LHFPL2: variants seen among roughly 807,000 people sequenced by gnomAD.
LHFPL2 encodes the protein LHFPL tetraspan subfamily member 2 protein.
In LHFPL2, 7 loss-of-function variants were observed where a neutral mutation model predicts 17.5. The ratio of observed to expected loss-of-function variants is 0.40; its 90% CI spans 0.23 to 0.75. The LOEUF is 0.75. Ranked by LOEUF, LHFPL2 falls within the 30% of genes least tolerant of loss-of-function variation. The pLI, the probability that LHFPL2 is intolerant of heterozygous loss-of-function variation, is 0.37. For synonymous variants in LHFPL2, 134 were observed against 116.2 expected (o/e 1.15, Z -0.99); for missense variants, 241 against 294.8 (o/e 0.82, Z 1.34).
chr5:78,606,824 A>G (rs1035302948), intron 2 of LHFPL2, among the ~76,000 whole-genome samples: 3 of 152,050 alleles, frequency 2.0e-5, no homozygotes, highest in Non-Finnish European at 4.4e-5. Flanking sequence ...ACATGTGCCA[A>G]CCACCACGCT....
At chr5:78,645,161 C>A (rs1745820775) in intron 1 of LHFPL2, among the ~76,000 whole-genome samples, 1 of 152,164 alleles carries the variant, frequency 6.6e-6, no homozygotes, top group Non-Finnish European at 1.5e-5. Context: ...CAAGGACACC[C>A]AACATGCTGC....
intron 2 of LHFPL2, among the ~76,000 whole-genome samples, chr5:78,585,905 A>G (rs1401394398): frequency 6.6e-6 from 1 of 152,204 alleles, no homozygotes; most frequent in East Asian, 1.9e-4. Context: ...GCCACTAACA[A>G]GCAACACAAG....
At chr5:78,556,314 C>T (rs542008790) in intron 3 of LHFPL2, among the ~76,000 whole-genome samples, 1 of 152,182 alleles carries the variant, frequency 6.6e-6, no homozygotes, top group Admixed American at 6.5e-5. Context: ...GAGAGTTTCA[C>T]CTAAAGGACA....
intron 2 of LHFPL2, among the ~76,000 whole-genome samples, chr5:78,574,097 T>C (rs1757068887): frequency 6.6e-6 from 1 of 152,066 alleles, no homozygotes; most frequent in Non-Finnish European, 1.5e-5. Context: ...AGGAGGAGAG[T>C]ACGCTCACGA....
chr5:78,509,851 G>A lies in LHFPL2; in HGVS notation c.363C>T (p.Thr121=). 2 of 1,614,054 alleles carry A rather than the reference G, an allele frequency of 1.2e-6. No homozygotes were observed. The highest frequency in any genetic ancestry group is 2.2e-5 in the South Asian group (2 of 91,086). The part of the protein sequence containing the change: ...LCMVALVSVF[T]MCVQSIMKKS... ...TCTTCATGATGCTCTGTACACACAT[G>A]GTGAAGACGGACACCAAGGCCACCA... Residue 121 remains threonine (T), a synonymous_variant, in exon 4 of 5, where the codon ACC becomes ACT. Transcript: ENST00000380345.
chr5:78,542,075 C>T (rs10063041), intron 3 of LHFPL2, among the ~76,000 whole-genome samples: 63,504 of 151,630 alleles, frequency 0.42, 13,485 homozygotes, highest in Middle Eastern at 0.49. Flanking sequence ...AATAGCTCTG[C>T]GACCCTTTGG....
intron 3 of LHFPL2, among the ~76,000 whole-genome samples, chr5:78,514,357 TAAA>T (rs56725399): frequency 4.8e-5 from 7 of 147,116 alleles, no homozygotes; most frequent in East Asian, 2.0e-4. Context: ...CCTCTTCACT[TAAA>T]AAAAAAAAAA....
intron 4 of LHFPL2, among the ~76,000 whole-genome samples, chr5:78,500,720 ATGATCACTTT>A (rs1754748249): frequency 6.6e-6 from 1 of 152,166 alleles, no homozygotes; most frequent in Non-Finnish European, 1.5e-5. Flanking sequence ...TTGCCCAATA[ATGATCACTTT>A]TGGTTAATCT....
intron 3 of LHFPL2, among the ~76,000 whole-genome samples, chr5:78,518,732 C>A (rs1239523454): frequency 6.7e-6 from 1 of 149,404 alleles, no homozygotes; most frequent in Non-Finnish European, 1.5e-5. Flanking sequence ...ACTGCACGCT[C>A]AAAGTTCAAG....
chr5:78,488,610 T>C lies in LHFPL2; in HGVS notation c.*287A>G, dbSNP rs2241568. The C allele has an allele frequency of 0.068, 27,526 of 406,288 alleles. 1,836 individuals carry two copies. The highest frequency in any genetic ancestry group is 0.28 in the East Asian group (5,800 of 20,660). 25.2% of individuals were successfully genotyped at this position (406,288 alleles called of 1,614,324 possible). On this transcript the variant is annotated 3_prime_UTR_variant, in exon 5 of 5. Transcript: ENST00000380345. Reference sequence around the variant, plus strand: ...CTGCTGCCCTAATGATTTAGATTATTATCCTTCATTGAACCTGGGGGAGAT... The same window carrying C: ...CTGCTGCCCTAATGATTTAGATTATCATCCTTCATTGAACCTGGGGGAGAT...
intron 2 of LHFPL2, among the ~76,000 whole-genome samples, chr5:78,568,366 C>G (rs1203740154): frequency 6.6e-6 from 1 of 152,138 alleles, no homozygotes; most frequent in Non-Finnish European, 1.5e-5. Context: ...GGCTGCATGC[C>G]CTTCTGTTAC....
At chr5:78,603,603 G>A (rs1744104432) in intron 2 of LHFPL2, among the ~76,000 whole-genome samples, 1 of 152,188 alleles carries the variant, frequency 6.6e-6, no homozygotes, top group Admixed American at 6.5e-5. Flanking sequence ...TTGCTGGCCG[G>A]GCATGGTGGC....
rs564935830 is a variant in LHFPL2, at chr5:78,607,944, A to T, written c.-245+24320T>A. Among the ~76,000 whole-genome samples the T allele has an allele frequency of 8.5e-5, 13 of 152,360 alleles. No homozygotes were observed. The South Asian group carries it at 2.3e-3, about 27-fold the overall frequency. ...CACTCTAGGCAGTAAAAGAACACAC[A>T]CTAAAAAGCTTTTTAAGAAGATATG... On this transcript the variant is annotated intron_variant, in intron 2 of 4. Transcript: ENST00000380345.
intron 2 of LHFPL2, among the ~76,000 whole-genome samples, chr5:78,620,209 G>A (rs1428153327): frequency 2.7e-5 from 4 of 146,832 alleles, no homozygotes; most frequent in Non-Finnish European, 6.0e-5. Flanking sequence ...TAACTGGTGT[G>A]AGATGGTATC....
At chr5:78,523,403 G>A (rs1481809593) in intron 3 of LHFPL2, among the ~76,000 whole-genome samples, 1 of 152,160 alleles carries the variant, frequency 6.6e-6, no homozygotes, top group East Asian at 1.9e-4. Flanking sequence ...TCAGTGTACA[G>A]AAAGCCTGGG....
At chr5:78,498,951 T>C (rs1256175862) in intron 4 of LHFPL2, among the ~76,000 whole-genome samples, 1 of 152,196 alleles carries the variant, frequency 6.6e-6, no homozygotes, top group Non-Finnish European at 1.5e-5. Context: ...AACGTGTTGA[T>C]AGTGGTAAAG....
chr5:78,547,240 T>A lies in LHFPL2; in HGVS notation c.-186+17573A>T, dbSNP rs565199368. Among the ~76,000 whole-genome samples the A allele has an allele frequency of 5.3e-5, 8 of 152,320 alleles. No individual in the cohort carries two copies. The East Asian group carries it at 1.5e-3, about 29-fold the overall frequency. ...TCCTGCTCCTCATCTCACGGCTGCA[T>A]CAGTAACAACAGAGGCAGAGCCCAC... On this transcript the variant is annotated intron_variant, in intron 3 of 4. Transcript: ENST00000380345.
intron 4 of LHFPL2, among the ~76,000 whole-genome samples, chr5:78,493,067 A>T (rs958298172): frequency 1.3e-5 from 2 of 152,208 alleles, no homozygotes; most frequent in African/African-American, 4.8e-5. Context: ...TCTAAGAGAA[A>T]ACTGGGCCTT....
At chr5:78,589,049 A>T (rs1322743390) in intron 2 of LHFPL2, among the ~76,000 whole-genome samples, 1 of 152,212 alleles carries the variant, frequency 6.6e-6, no homozygotes, top group African/African-American at 2.4e-5. Flanking sequence ...AAGTTCAGAA[A>T]GGTCAAGTGG....
Sources: allele counts gnomAD v4.1 joint callset (sites outside exome capture counted in the v4.1 genomes callset), GRCh38; gene constraint gnomAD v4.1.1; transcripts MANE v1.5; gene names NCBI Gene and HGNC (gene_info 2026-07-23, HGNC 2026-07-21).